PCDH15: variants seen among roughly 807,000 people sequenced by gnomAD.
PCDH15 encodes protocadherin related 15.
PCDH15 carries 129 observed loss-of-function variants against 178.5 expected under a neutral mutation model. The ratio of observed to expected loss-of-function variants is 0.72; its 90% CI spans 0.63 to 0.84. The LOEUF is 0.84. PCDH15 is among the 40% of genes least tolerant of loss of function. The pLI is 0.00. For synonymous variants in PCDH15, 800 were observed against 732.0 expected (o/e 1.09, Z -1.50); for missense variants, 2,230 against 2,099.9 (o/e 1.06, Z -1.21).
At chr10:54,168,336 CT>C (rs1263604318) in intron 13 of PCDH15, among the ~76,000 whole-genome samples, 1 of 152,094 alleles carries the variant, frequency 6.6e-6, no homozygotes, top group East Asian at 1.9e-4. Flanking sequence ...CCTTCTTTCC[CT>C]CCCGCCTGTC....
chr10:55,184,705 A>C (rs1406124149), intron 1 of PCDH15, among the ~76,000 whole-genome samples: 1 of 151,978 alleles, frequency 6.6e-6, no homozygotes, highest in African/African-American at 2.4e-5. Context: ...GTATATTTTC[A>C]TAGCATTTGG....
chr10:54,350,720 C>T (rs200313489), intron 5 of PCDH15, among the ~76,000 whole-genome samples: 2 of 152,210 alleles, frequency 1.3e-5, no homozygotes, highest in South Asian at 4.1e-4. Context: ...CCATGGCTCA[C>T]ACCTGTAATC....
intron 1 of PCDH15, among the ~76,000 whole-genome samples, chr10:54,800,212 C>T (rs1476072868): frequency 1.3e-5 from 2 of 152,128 alleles, no homozygotes; most frequent in African/African-American, 4.8e-5. Flanking sequence ...AGGGCCCACC[C>T]ACTCTATAGC....
chr10:55,566,000 C>A (rs1446299833), intron 2 of PCDH15, among the ~76,000 whole-genome samples: 1 of 151,472 alleles, frequency 6.6e-6, no homozygotes, highest in East Asian at 1.9e-4. Flanking sequence ...ACATCATTAC[C>A]CTAATACCAT....
At chr10:55,378,076 G>A (rs1305250766) in intron 2 of PCDH15, among the ~76,000 whole-genome samples, 1 of 152,102 alleles carries the variant, frequency 6.6e-6, no homozygotes, top group East Asian at 1.9e-4. Context: ...GTGCTACGGG[G>A]AGGGATAGCA....
intron 17 of PCDH15, among the ~76,000 whole-genome samples, chr10:54,075,119 T>G (rs903818901): frequency 1.3e-5 from 2 of 152,188 alleles, no homozygotes; most frequent in African/African-American, 2.4e-5. Context: ...GGCTCACACC[T>G]GTAATCCCAG....
In PCDH15 at chr10:54,927,066, G is replaced by C. The variant is rs1343453652; in HGVS notation, c.-79-29566C>G. On this transcript the variant is annotated intron_variant, in intron 2 of 5. Transcript: ENST00000458638. The stretch of plus-strand genomic sequence containing the variant: ...AATGAGATCTTTCCAACTTTTTGAT[G>C]TGAGCATTTAGTACTATAAATTTCC... Among the ~76,000 whole-genome samples, 3 of 152,054 alleles carry C rather than the reference G, an allele frequency of 2.0e-5. No individual in the cohort carries two copies. In the East Asian group the frequency reaches 5.8e-4, roughly 29 times the overall value.
intron 2 of PCDH15, among the ~76,000 whole-genome samples, chr10:54,592,959 C>T (rs1050232886): frequency 3.3e-5 from 5 of 152,084 alleles, no homozygotes; most frequent in African/African-American, 1.2e-4. Context: ...CTTTCATCTA[C>T]CTATTGACCT....
intron 2 of PCDH15, among the ~76,000 whole-genome samples, chr10:55,118,030 T>G (rs2132062965): frequency 6.6e-6 from 1 of 152,208 alleles, no homozygotes; most frequent in African/African-American, 2.4e-5. Flanking sequence ...AAGTTTGATG[T>G]CTAAGTGGCT....
chr10:53,811,091 A>AT (rs796122500), intron 36 of PCDH15, among the ~76,000 whole-genome samples: 1 of 151,868 alleles, frequency 6.6e-6, no homozygotes, highest in Non-Finnish European at 1.5e-5. Flanking sequence ...TTTCTTCAGT[A>AT]TTTTTTTTGA....
intron 2 of PCDH15, among the ~76,000 whole-genome samples, chr10:55,504,488 T>C (rs1034843321): frequency 1.3e-5 from 2 of 151,342 alleles, no homozygotes; most frequent in African/African-American, 4.8e-5. Context: ...AATTCTAAAG[T>C]TAAGACATTT....
intron 2 of PCDH15, among the ~76,000 whole-genome samples, chr10:55,085,959 T>A (rs963186553): frequency 6.6e-6 from 1 of 151,712 alleles, no homozygotes; most frequent in Non-Finnish European, 1.5e-5. Flanking sequence ...ATATCATCTA[T>A]CAAGGAGTAT....
At chr10:55,619,787 T>G (rs1843553068) in intron 2 of PCDH15, among the ~76,000 whole-genome samples, 1 of 152,040 alleles carries the variant, frequency 6.6e-6, no homozygotes, top group South Asian at 2.1e-4. Flanking sequence ...GAAAATGTAG[T>G]ATCCAATGTA....
At chr10:54,156,761 C>G (rs543150952) in intron 13 of PCDH15, among the ~76,000 whole-genome samples, 2 of 152,146 alleles carry the variant, frequency 1.3e-5, no homozygotes, top group South Asian at 2.1e-4. Context: ...CTTCCACCTA[C>G]GAGCCTGTCA....
chr10:54,521,958 G>T (rs2082913798), intron 3 of PCDH15, among the ~76,000 whole-genome samples: 1 of 151,702 alleles, frequency 6.6e-6, no homozygotes, highest in Non-Finnish European at 1.5e-5. Context: ...CATGGTGGTG[G>T]GTGCATGTGG....
intron 5 of PCDH15, among the ~76,000 whole-genome samples, chr10:54,359,476 T>C (rs1945641898): frequency 6.6e-6 from 1 of 152,136 alleles, no homozygotes; most frequent in East Asian, 1.9e-4. Context: ...TTTAAATAAA[T>C]AATGTAAAAT....
chr10:54,246,639 T>G (rs2055959855), intron 8 of PCDH15, among the ~76,000 whole-genome samples: 1 of 151,888 alleles, frequency 6.6e-6, no homozygotes, highest in Non-Finnish European at 1.5e-5. Flanking sequence ...GATAATGCTC[T>G]TACGAACACT....
At chr10:54,915,404 T>G (rs1189607655) in intron 2 of PCDH15, among the ~76,000 whole-genome samples, 1 of 152,194 alleles carries the variant, frequency 6.6e-6, no homozygotes, top group African/African-American at 2.4e-5. Flanking sequence ...TAGGAGTCCA[T>G]GAGATAGAAG....
Position 54,910,914 on chromosome 10 carries a change from G to A in PCDH15, c.-79-13414C>T, listed in dbSNP as rs1954804419. Among the ~76,000 whole-genome samples the A allele has an allele frequency of 2.6e-5, 4 of 152,300 alleles. No homozygotes were observed. In the South Asian group the frequency reaches 8.3e-4, roughly 32 times the overall value. On this transcript the variant is annotated intron_variant, in intron 2 of 5. Coordinates refer to the PCDH15 transcript ENST00000458638. ...CAGACTTCACAGTGCAGAGGCAATT[G>A]AGATGGGACAGTGGAAACCATAATT... is the stretch of plus-strand genomic sequence containing the variant.
Sources: gnomAD v4.1 joint callset for allele counts (sites outside exome capture counted in the v4.1 genomes callset) on GRCh38, gnomAD v4.1.1 for gene constraint, MANE v1.5 for transcripts, NCBI Gene and HGNC (gene_info 2026-07-23, HGNC 2026-07-21) for gene names.